ABCC4: variants seen among roughly 807,000 people sequenced by gnomAD.
ABCC4 encodes ATP-binding cassette sub-family C member 4.
A neutral mutation model predicts 168.5 loss-of-function variants in ABCC4; 102 were observed. The ratio of observed to expected loss-of-function variants is 0.61; its 90% CI spans 0.52 to 0.71. The LOEUF (loss-of-function observed/expected upper bound fraction) is 0.71, where lower values mean the gene tolerates loss of function less well. Among genes scored for constraint, ABCC4 ranks in the 30% least tolerant of loss-of-function variants. The pLI is 0.00. For synonymous variants in ABCC4, 617 were observed against 590.7 expected, an observed-to-expected ratio of 1.04 and a Z score of -0.65; for missense variants, 1,402 against 1,605.8, an observed-to-expected ratio of 0.87 and a Z score of 2.17.
In ABCC4 at chr13:95,109,609, G is replaced by C. The variant is rs564351776; in HGVS notation, c.2535+6313C>G. Among the ~76,000 whole-genome samples, 29 of 152,280 alleles carry C rather than the reference G, an allele frequency of 1.9e-4. 1 individual carries two copies. In the East Asian group the frequency reaches 5.4e-3, roughly 28 times the overall value. On this transcript the variant is annotated intron_variant, in intron 20 of 30. Coordinates refer to ENST00000645237, the MANE Select transcript of ABCC4 (RefSeq NM_005845.5). Reference sequence around the variant, plus strand: ...TGGCTGCACTGTGAGAAGAGGGTTTGAGTCCTCACTCCAGCATTAGGTGTT... The same window carrying C: ...TGGCTGCACTGTGAGAAGAGGGTTTCAGTCCTCACTCCAGCATTAGGTGTT...
chr13:95,243,881 A>G (rs913636601), intron 3 of ABCC4, among the ~76,000 whole-genome samples: 4 of 138,638 alleles, frequency 2.9e-5, no homozygotes, highest in African/African-American at 1.2e-4. Context: ...GTGAGACCCC[A>G]CCTCAGACGA....
chr13:95,120,080 A>G (rs1257207350), intron 19 of ABCC4, among the ~76,000 whole-genome samples: 1 of 151,732 alleles, frequency 6.6e-6, no homozygotes, highest in Admixed American at 6.6e-5. Flanking sequence ...AGGTTCACCC[A>G]TGATGTAGCA....
intron 19 of ABCC4, among the ~76,000 whole-genome samples, chr13:95,146,870 G>A (rs1455235428): frequency 6.6e-6 from 1 of 152,182 alleles, no homozygotes; most frequent in African/African-American, 2.4e-5. Flanking sequence ...CCTCAATTTG[G>A]TAGAGAACTA....
chr13:95,293,342 A>G (rs2041449548), intron 1 of ABCC4, among the ~76,000 whole-genome samples: 1 of 151,626 alleles, frequency 6.6e-6, no homozygotes, highest in African/African-American at 2.4e-5. Flanking sequence ...TGTGCGACAG[A>G]GACTCCATCT....
chr13:95,042,932 G>A (rs1361380007), intron 29 of ABCC4, among the ~76,000 whole-genome samples: 3 of 152,106 alleles, frequency 2.0e-5, no homozygotes, highest in Admixed American at 1.3e-4. Flanking sequence ...ACCACATCCA[G>A]GTAATCTTTG....
Position 95,115,965 on chromosome 13 carries a change from T to C in ABCC4, c.2492A>G (p.His831Arg). 2 of 1,613,518 alleles carry C rather than the reference T, an allele frequency of 1.2e-6. No homozygotes were observed. The highest frequency in any genetic ancestry group is 1.7e-6 in the Non-Finnish European group (2 of 1,179,862). ...ILNRFSKDIGHLDDLLPLTFL... is the reference protein window; with the variant it reads ...ILNRFSKDIGRLDDLLPLTFL... The stretch of plus-strand genomic sequence containing the variant: ...CGTCAGCGGCAGCAAATCATCCAAG[T>C]GTCCAATGTCTTTGGAGAAACGATT... The change falls in exon 20 of 31, where the codon CAC becomes CGC. Residue 831 changes from histidine (H) to arginine (R), a missense_variant. By Grantham distance (29) the His-to-Arg change is conservative. Transcript: ENST00000645237.
intron 30 of ABCC4, among the ~76,000 whole-genome samples, chr13:95,029,486 AG>A (rs1181664520): frequency 6.6e-6 from 1 of 152,072 alleles, no homozygotes; most frequent in East Asian, 1.9e-4. Context: ...AACCTGGCAG[AG>A]GAACTGCGTG....
At chr13:95,088,215 T>G (rs1380169618) in intron 20 of ABCC4, among the ~76,000 whole-genome samples, 1 of 152,220 alleles carries the variant, frequency 6.6e-6, no homozygotes, top group Non-Finnish European at 1.5e-5. Flanking sequence ...TTTTCCATGT[T>G]AATGTTTATT....
At chr13:95,193,823 A>G (rs1431667753) in intron 9 of ABCC4, among the ~76,000 whole-genome samples, 1 of 152,238 alleles carries the variant, frequency 6.6e-6, no homozygotes, top group Non-Finnish European at 1.5e-5. Context: ...GAACGAGTTC[A>G]GAGGCGAACG....
At chr13:95,099,184 G>T (rs922109719) in intron 20 of ABCC4, among the ~76,000 whole-genome samples, 7 of 152,046 alleles carry the variant, frequency 4.6e-5, no homozygotes, top group Non-Finnish European at 8.8e-5. Flanking sequence ...CTCAGAAAAA[G>T]AAAACAAAGA....
intron 4 of ABCC4, among the ~76,000 whole-genome samples, chr13:95,222,838 C>T (rs1325842549): frequency 6.6e-6 from 1 of 152,020 alleles, no homozygotes; most frequent in African/African-American, 2.4e-5. Context: ...CGACTGGAGG[C>T]ACTACTGGTT....
At chr13:95,189,130 T>C (rs1336338526) in intron 9 of ABCC4, among the ~76,000 whole-genome samples, 2 of 106,174 alleles carry the variant, frequency 1.9e-5, no homozygotes, top group Non-Finnish European at 4.0e-5. Flanking sequence ...TATTCTTTTT[T>C]TTTTTTTTTT....
At chr13:95,052,399 C>T (rs1037180518) in intron 27 of ABCC4, among the ~76,000 whole-genome samples, 9 of 152,150 alleles carry the variant, frequency 5.9e-5, no homozygotes, top group African/African-American at 1.9e-4. Context: ...CTAGACTGAA[C>T]ACAGAAAATC....
At chr13:95,267,496 G>A (rs1237393502) in intron 1 of ABCC4, among the ~76,000 whole-genome samples, 6 of 152,086 alleles carry the variant, frequency 3.9e-5, no homozygotes, top group Admixed American at 3.9e-4. Flanking sequence ...GTGTGAAAAT[G>A]GACTAATACA....
At chr13:95,211,043 A>G (rs1394665444) in intron 4 of ABCC4, among the ~76,000 whole-genome samples, 1 of 152,192 alleles carries the variant, frequency 6.6e-6, no homozygotes, top group Non-Finnish European at 1.5e-5. Flanking sequence ...CAAGTACAAA[A>G]GGACATAAGT....
chr13:95,236,981 G>A (rs886081635), intron 3 of ABCC4, among the ~76,000 whole-genome samples: 1 of 152,188 alleles, frequency 6.6e-6, no homozygotes, highest in African/African-American at 2.4e-5. Flanking sequence ...TGGGCTATCA[G>A]CCAGACGCTC....
In ABCC4 at chr13:95,075,480, C is replaced by G; in HGVS notation, c.2758G>C (p.Glu920Gln). 4.3e-6 allele frequency: 7 copies of G among 1,614,140 alleles called. No individual in the cohort carries two copies. The highest frequency in any genetic ancestry group is 5.9e-6 in the Non-Finnish European group (7 of 1,180,012). ...GLWTIRAYKA[E>Q]ERCQELFDAH... ...TCAAACAGTTCCTGACACCTCTCTT[C>G]TGCTTTGTATGCCCGGATGGTCCAG... Residue 920 changes from glutamate (E) to glutamine (Q), a missense_variant, in exon 22 of 31, where the codon GAA becomes CAA. This residue lies in a region of ABCC4 where 1,007 missense variants were observed against 1,127.3 expected (regional missense o/e 0.89). Coordinates refer to ENST00000645237, the MANE Select transcript of ABCC4 (RefSeq NM_005845.5).
At chr13:95,184,489 G>A (rs1402447967) in intron 11 of ABCC4, among the ~76,000 whole-genome samples, 2 of 152,166 alleles carry the variant, frequency 1.3e-5, no homozygotes, top group African/African-American at 4.8e-5. Flanking sequence ...CTTTGAACTT[G>A]AACTGCAAAT....
intron 27 of ABCC4, among the ~76,000 whole-genome samples, chr13:95,051,176 A>G (rs1477916914): frequency 2.0e-5 from 3 of 152,254 alleles, no homozygotes; most frequent in African/African-American, 7.2e-5. Flanking sequence ...TTAGAAAAAG[A>G]AAATCCCCAC....
Sources: gnomAD v4.1 joint callset for allele counts (sites outside exome capture counted in the v4.1 genomes callset) on GRCh38, gnomAD v4.1.1 for gene constraint, gnomAD v4.1.1 regional missense constraint, MANE v1.5 for transcripts, NCBI Gene and HGNC (gene_info 2026-07-23, HGNC 2026-07-21) for gene names.